The following MAGI2 variants were observed in gnomAD, a reference collection of about 807,000 sequenced individuals.
The protein encoded by MAGI2 is membrane-associated guanylate kinase, WW and PDZ domain-containing protein 2.
A neutral mutation model predicts 133.3 loss-of-function variants in MAGI2; 35 were observed. The ratio of observed to expected loss-of-function variants is 0.26; its 90% CI spans 0.20 to 0.35. MAGI2 has a LOEUF of 0.35. Ranked by LOEUF, MAGI2 falls within the 10% of genes least tolerant of loss-of-function variation. The probability of loss-of-function intolerance (pLI) is 1.00; values close to 1 mark genes in which losing one functional copy is unlikely to be tolerated. For synonymous variants in MAGI2, 729 were observed against 710.6 expected, an observed-to-expected ratio of 1.03 and a Z score of -0.41; for missense variants, 1,636 against 1,863.4, an observed-to-expected ratio of 0.88 and a Z score of 2.25.
At chr7:78,472,502 A>C (rs539770684) in intron 6 of MAGI2, among the ~76,000 whole-genome samples, 5 of 152,252 alleles carry the variant, frequency 3.3e-5, no homozygotes, top group African/African-American at 1.2e-4. Flanking sequence ...TAATAAGAAA[A>C]AAATTTAAGG....
chr7:78,470,576 A>G (rs1251226343), intron 6 of MAGI2, among the ~76,000 whole-genome samples: 1 of 152,100 alleles, frequency 6.6e-6, no homozygotes, highest in Admixed American at 6.6e-5. Flanking sequence ...TAACATAATT[A>G]ATGCTGTAGA....
At chr7:78,350,892 G>C (rs893622714) in intron 7 of MAGI2, among the ~76,000 whole-genome samples, 8 of 152,168 alleles carry the variant, frequency 5.3e-5, no homozygotes, top group African/African-American at 1.7e-4. Flanking sequence ...AACCCACCTT[G>C]CTTCTCCTGG....
At chr7:79,009,462 A>G (rs939229055) in intron 1 of MAGI2, among the ~76,000 whole-genome samples, 2 of 152,164 alleles carry the variant, frequency 1.3e-5, no homozygotes, top group African/African-American at 2.4e-5. Context: ...CTTTCCTCCT[A>G]TTTCCCAAAT....
chr7:79,188,092 T>G (rs1827323773), intron 1 of MAGI2, among the ~76,000 whole-genome samples: 1 of 151,888 alleles, frequency 6.6e-6, no homozygotes. Flanking sequence ...AAATTCTCTT[T>G]ACCATATTAA....
intron 3 of MAGI2, among the ~76,000 whole-genome samples, chr7:78,548,402 T>A (rs1254788131): frequency 6.6e-6 from 1 of 152,188 alleles, no homozygotes; most frequent in African/African-American, 2.4e-5. Context: ...ATTTTAAGAT[T>A]GCTTTCATGT....
chr7:78,074,099 C>T (rs555334533), intron 21 of MAGI2, among the ~76,000 whole-genome samples: 1 of 152,308 alleles, frequency 6.6e-6, no homozygotes, highest in South Asian at 2.1e-4. Context: ...GCTCCACAAC[C>T]TCTGTGTGCA....
chr7:78,754,446 C>T (rs1823758257), intron 2 of MAGI2, among the ~76,000 whole-genome samples: 1 of 151,554 alleles, frequency 6.6e-6, no homozygotes, highest in Admixed American at 6.6e-5. Context: ...ATTAATAAGC[C>T]CAAGTAAAAC....
intron 2 of MAGI2, among the ~76,000 whole-genome samples, chr7:78,790,026 G>A (rs1425025298): frequency 6.6e-6 from 1 of 152,072 alleles, no homozygotes; most frequent in Non-Finnish European, 1.5e-5. Context: ...GCAATAGAGT[G>A]ATCAACTGAT....
rs145365849 is a variant in MAGI2 at position 78,949,612 on chromosome 7, A to G, written c.418+57478T>C. Among the ~76,000 whole-genome samples the G allele has an allele frequency of 5.3e-5, 8 of 152,318 alleles. No homozygotes were observed. In the East Asian group the frequency reaches 9.6e-4, roughly 18 times the overall value. The stretch of plus-strand genomic sequence containing the variant: ...TTCTATATTTACCTAGTTTCTGTAG[A>G]CAAAAAGTTTATTATCAAAGTTTTT... On this transcript the variant is annotated intron_variant, in intron 2 of 21. Coordinates refer to ENST00000354212, the MANE Select transcript of MAGI2 (RefSeq NM_012301.4).
intron 1 of MAGI2, among the ~76,000 whole-genome samples, chr7:79,187,986 A>G (rs1827314029): frequency 6.6e-6 from 1 of 151,884 alleles, no homozygotes; most frequent in South Asian, 2.1e-4. Flanking sequence ...TAAAAGGTTT[A>G]TTTGGAGTTT....
chr7:78,612,830 C>T (rs1282387551), intron 3 of MAGI2, among the ~76,000 whole-genome samples: 1 of 151,826 alleles, frequency 6.6e-6, no homozygotes, highest in Non-Finnish European at 1.5e-5. Flanking sequence ...CCACCACGCC[C>T]GGCTAATTTT....
chr7:78,655,554 T>A (rs1482997796), intron 2 of MAGI2, among the ~76,000 whole-genome samples: 1 of 148,136 alleles, frequency 6.8e-6, no homozygotes, highest in East Asian at 2.1e-4. Context: ...GTCTCTCATA[T>A]CCTTCAGGGC....
intron 2 of MAGI2, among the ~76,000 whole-genome samples, chr7:78,711,236 C>T (rs963464502): frequency 2.6e-5 from 4 of 152,126 alleles, no homozygotes; most frequent in Non-Finnish European, 2.9e-5. Context: ...CTGGCATCAG[C>T]ATGAGCCCCC....
chr7:78,633,477 G>T lies in MAGI2; in HGVS notation c.419-6238C>A, dbSNP rs535739258. On this transcript the variant is annotated intron_variant, in intron 2 of 21. Coordinates refer to ENST00000354212, the MANE Select transcript of MAGI2 (RefSeq NM_012301.4). ...TCCCAGCACTTTGGGAGGCCGAGGCGGGTGGATCACGAGGTCAGGAGATCA... is the reference window on the plus strand; with the variant it reads ...TCCCAGCACTTTGGGAGGCCGAGGCTGGTGGATCACGAGGTCAGGAGATCA... Among the ~76,000 whole-genome samples the T allele has an allele frequency of 2.6e-5, 4 of 152,082 alleles. No homozygotes were observed. The East Asian group carries it at 7.8e-4, about 30-fold the overall frequency.
intron 2 of MAGI2, among the ~76,000 whole-genome samples, chr7:78,710,201 AC>A (rs1819043465): frequency 6.6e-6 from 1 of 151,782 alleles, no homozygotes; most frequent in South Asian, 2.1e-4. Flanking sequence ...CACACATTCT[AC>A]TAAACAGGAA....
chr7:79,198,849 C>T (rs1828333770), intron 1 of MAGI2, among the ~76,000 whole-genome samples: 1 of 152,008 alleles, frequency 6.6e-6, no homozygotes, highest in Non-Finnish European at 1.5e-5. Context: ...GATCGTGCCA[C>T]TGCACTCTAG....
intron 1 of MAGI2, among the ~76,000 whole-genome samples, chr7:79,337,977 G>A (rs1840564392): frequency 6.6e-6 from 1 of 152,130 alleles, no homozygotes; most frequent in African/African-American, 2.4e-5. Context: ...TTTAGGACAA[G>A]TGATGATTGA....
chr7:78,545,627 A>G (rs1330954939), intron 3 of MAGI2, among the ~76,000 whole-genome samples: 2 of 152,236 alleles, frequency 1.3e-5, no homozygotes, highest in East Asian at 1.9e-4. Context: ...GCTAACCGCT[A>G]TTTAATGACA....
chr7:78,742,568 T>C (rs1822535258), intron 2 of MAGI2, among the ~76,000 whole-genome samples: 1 of 152,192 alleles, frequency 6.6e-6, no homozygotes, highest in Non-Finnish European at 1.5e-5. Flanking sequence ...TCTGATAAGA[T>C]CCCATGCCAT....
Sources: allele counts gnomAD v4.1 joint callset (sites outside exome capture counted in the v4.1 genomes callset), GRCh38; gene constraint gnomAD v4.1.1; transcripts MANE v1.5; gene names NCBI Gene and HGNC (gene_info 2026-07-23, HGNC 2026-07-21).